ASTN2: variants seen among roughly 807,000 people sequenced by gnomAD.
The protein encoded by ASTN2 is astrotactin-2.
In ASTN2, 54 loss-of-function variants were observed where a neutral mutation model predicts 139.8. That is an observed-to-expected ratio of 0.39 (90% CI 0.31 to 0.48). The LOEUF (loss-of-function observed/expected upper bound fraction) is 0.48, where lower values mean the gene tolerates loss of function less well. Among genes scored for constraint, ASTN2 ranks in the 20% least tolerant of loss-of-function variants. ASTN2 has a pLI of 0.95. For synonymous variants in ASTN2, 756 were observed against 719.5 expected, an observed-to-expected ratio of 1.05 and a Z score of -0.81; for missense variants, 1,565 against 1,725.1, an observed-to-expected ratio of 0.91 and a Z score of 1.64.
chr9:116,861,393 G>GCCTTACAT (rs1459281141), intron 11 of ASTN2, among the ~76,000 whole-genome samples: 5 of 152,308 alleles, frequency 3.3e-5, no homozygotes. Flanking sequence ...AAAAAGGTCA[G>GCCTTACAT]CCTTACATTC....
At chr9:117,345,132 T>G (rs1197344983) in intron 1 of ASTN2, among the ~76,000 whole-genome samples, 1 of 152,136 alleles carries the variant, frequency 6.6e-6, no homozygotes, top group East Asian at 1.9e-4. Context: ...AGGAGAGGAC[T>G]GCCAGGAGCC....
At chr9:116,667,866 C>T (rs1220954746) in intron 16 of ASTN2, among the ~76,000 whole-genome samples, 1 of 140,118 alleles carries the variant, frequency 7.1e-6, no homozygotes, top group East Asian at 2.5e-4. Flanking sequence ...CATCAACATC[C>T]CCAACAGAGT....
chr9:117,096,188 G>T, intron 4 of ASTN2, 37 bp from the exon 5 acceptor site: 4 of 1,553,266 alleles, frequency 2.6e-6, no homozygotes, highest in Non-Finnish European at 3.6e-6. Flanking sequence ...AGTCTCCCAG[G>T]CCTCCAGAAG....
chr9:116,712,299 G>A (rs1828184583), intron 16 of ASTN2, among the ~76,000 whole-genome samples: 1 of 151,896 alleles, frequency 6.6e-6, no homozygotes, highest in East Asian at 1.9e-4. Flanking sequence ...TAACTGTTTT[G>A]AGCCAGGTGT....
At chr9:117,330,067 C>T (rs928893429) in intron 1 of ASTN2, among the ~76,000 whole-genome samples, 6 of 152,168 alleles carry the variant, frequency 3.9e-5, no homozygotes, top group Non-Finnish European at 8.8e-5. Flanking sequence ...CTCCACAGCC[C>T]TTACACTTAA....
intron 3 of ASTN2, among the ~76,000 whole-genome samples, chr9:117,192,384 T>TG (rs1198205341): frequency 2.1e-5 from 2 of 94,512 alleles, no homozygotes; most frequent in East Asian, 6.9e-4. Flanking sequence ...TGTCAATCAG[T>TG]GGCAAAGAAA....
intron 4 of ASTN2, among the ~76,000 whole-genome samples, chr9:117,120,630 C>T (rs991241630): frequency 2.6e-5 from 4 of 152,062 alleles, no homozygotes; most frequent in Non-Finnish European, 5.9e-5. Context: ...CTCTCCCTAG[C>T]CCCCAAATGT....
At chr9:117,337,390 A>C (rs1828920700) in intron 1 of ASTN2, among the ~76,000 whole-genome samples, 1 of 152,200 alleles carries the variant, frequency 6.6e-6, no homozygotes, top group African/African-American at 2.4e-5. Context: ...TAGAATGCGG[A>C]GAAATAAAAA....
chr9:116,506,680 AC>A (rs995080884), intron 19 of ASTN2, among the ~76,000 whole-genome samples: 22 of 152,094 alleles, frequency 1.4e-4, no homozygotes, highest in Non-Finnish European at 2.9e-4. Context: ...GCCATCTCCA[AC>A]CCCCCAAAAA....
intron 19 of ASTN2, among the ~76,000 whole-genome samples, chr9:116,602,098 G>C (rs1471469954): frequency 6.6e-6 from 1 of 152,196 alleles, no homozygotes; most frequent in Non-Finnish European, 1.5e-5. Context: ...AATGCATAGA[G>C]ATATGAAGTA....
intron 1 of ASTN2, among the ~76,000 whole-genome samples, chr9:117,346,696 C>T (rs1274203201): frequency 6.6e-6 from 1 of 152,110 alleles, no homozygotes; most frequent in African/African-American, 2.4e-5. Context: ...TAGATGTTCT[C>T]CTGCCAGTAG....
In ASTN2 at chr9:116,733,425, G is replaced by C. The variant is rs1474629978; in HGVS notation, c.2495C>G (p.Pro832Arg). The part of the protein sequence containing the change: ...EEQCRGVLSE[P>R]LPDLQLLTGD... ...AGTGAGCAGTTGGAGGTCTGGAAGG[G>C]GCTCGGAGAGGACCCCCCGGCACTG... Residue 832 changes from proline (P) to arginine (R), a missense_variant, in exon 14 of 23, where the codon CCC becomes CGC. Physicochemically the swap from Pro to Arg is moderately radical, Grantham distance 103 (BLOSUM62 -2). This residue lies in a region of ASTN2 where 503 missense variants were observed against 591.7 expected (regional missense o/e 0.85). Transcript: ENST00000313400. The C allele has an allele frequency of 6.8e-6, 11 of 1,613,998 alleles. No homozygotes were observed. The highest frequency in any genetic ancestry group is 9.3e-6 in the Non-Finnish European group (11 of 1,180,022).
intron 13 of ASTN2, among the ~76,000 whole-genome samples, chr9:116,745,725 C>T (rs1249323991): frequency 6.6e-6 from 1 of 152,204 alleles, no homozygotes; most frequent in Non-Finnish European, 1.5e-5. Flanking sequence ...GTTAACTATG[C>T]TTTCTGAATT....
chr9:116,818,284 G>A (rs1262482165), intron 12 of ASTN2, among the ~76,000 whole-genome samples: 6 of 152,164 alleles, frequency 3.9e-5, no homozygotes, highest in Admixed American at 1.3e-4. Flanking sequence ...AGTTGGGAAG[G>A]TCCCCTTGAT....
chr9:117,310,506 G>T (rs1827941137), intron 1 of ASTN2, among the ~76,000 whole-genome samples: 1 of 152,202 alleles, frequency 6.6e-6, no homozygotes, highest in Non-Finnish European at 1.5e-5. Context: ...GAAATGTCAT[G>T]GAGTTTTAAG....
intron 1 of ASTN2, among the ~76,000 whole-genome samples, chr9:117,330,199 C>T (rs946416775): frequency 2.0e-5 from 3 of 152,288 alleles, no homozygotes; most frequent in African/African-American, 7.2e-5. Context: ...TTATACCCTC[C>T]CACCAGGACA....
intron 16 of ASTN2, among the ~76,000 whole-genome samples, chr9:116,660,281 G>GCTGTAGTCAGCT (rs1858485501): frequency 6.6e-6 from 1 of 151,782 alleles, no homozygotes; most frequent in Non-Finnish European, 1.5e-5. Context: ...CCAAACCCTA[G>GCTGTAGTCAGCT]GACAACTGAT....
chr9:117,095,421 C>A (rs1013775911), intron 5 of ASTN2, among the ~76,000 whole-genome samples: 2 of 152,166 alleles, frequency 1.3e-5, no homozygotes, highest in African/African-American at 2.4e-5. Flanking sequence ...ACATTGAGTG[C>A]CATTGTGAGA....
intron 12 of ASTN2, among the ~76,000 whole-genome samples, chr9:116,806,551 T>C (rs1327803002): frequency 6.6e-6 from 1 of 152,206 alleles, no homozygotes; most frequent in Non-Finnish European, 1.5e-5. Flanking sequence ...TATGAGTGTC[T>C]ACCTTTTCAA....
Sources: allele counts gnomAD v4.1 joint callset (sites outside exome capture counted in the v4.1 genomes callset), GRCh38; gene constraint gnomAD v4.1.1; regional missense constraint gnomAD v4.1.1; transcripts MANE v1.5; gene names NCBI Gene and HGNC (gene_info 2026-07-23, HGNC 2026-07-21).